LRRC37A2: variants seen among roughly 807,000 people sequenced by gnomAD.
LRRC37A2 encodes leucine rich repeat containing 37 member A2.
A neutral mutation model predicts 68.8 loss-of-function variants in LRRC37A2; 9 were observed. The observed-to-expected ratio is 0.13, with a 90% CI of 0.08 to 0.23. The LOEUF is 0.23. LRRC37A2 is among the 10% of genes least tolerant of loss of function. LRRC37A2 has a pLI of 1.00. For missense variants in LRRC37A2, 168 were observed against 950.4 expected (o/e 0.18, Z 10.82); for synonymous variants, 63 against 367.6 (o/e 0.17, Z 9.48).
chr17:46,941,928 C>T, the LRRC37A2 span: 11 of 985,176 alleles, frequency 1.1e-5, no homozygotes, highest in Admixed American at 6.1e-4. Flanking sequence ...CCACTGTCTC[C>T]TAGACAGAAA....
At chr17:46,850,960 T>A in the LRRC37A2 span, among the ~76,000 whole-genome samples, 5 of 152,248 alleles carry the variant, frequency 3.3e-5, no homozygotes, top group African/African-American at 1.2e-4. Flanking sequence ...TAACAGTCAC[T>A]CTCCCGTTTA....
the LRRC37A2 span, chr17:46,973,082 A>G: frequency 6.6e-6 from 1 of 150,828 alleles, no homozygotes; most frequent in Non-Finnish European, 1.5e-5. Flanking sequence ...CTACTCGGAA[A>G]TCCCACTGAA....
the LRRC37A2 span, among the ~76,000 whole-genome samples, chr17:46,950,425 G>A: frequency 6.4e-4 from 97 of 152,340 alleles, no homozygotes; most frequent in East Asian, 0.011. Context: ...AAGTTGCTAA[G>A]TGTATGATCA....
chr17:46,999,017 G>A, the LRRC37A2 span, among the ~76,000 whole-genome samples: 1 of 152,194 alleles, frequency 6.6e-6, no homozygotes, highest in Non-Finnish European at 1.5e-5. Context: ...GACCATCATG[G>A]ATGCTTAACA....
the LRRC37A2 span, chr17:46,770,181 G>C: frequency 8.0e-7 from 1 of 1,247,120 alleles, no homozygotes; most frequent in Non-Finnish European, 1.1e-6. Context: ...CCTGAGGCAA[G>C]AGGGAGGCAG....
At chr17:46,749,880 A>G in the LRRC37A2 span, 2 of 1,614,000 alleles carry the variant, frequency 1.2e-6, no homozygotes, top group Non-Finnish European at 1.7e-6. Context: ...ACATTGCCAC[A>G]GGAGAGCAGC....
At chr17:46,795,248 C>T in the LRRC37A2 span, among the ~76,000 whole-genome samples, 2 of 152,318 alleles carry the variant, frequency 1.3e-5, no homozygotes, top group South Asian at 4.1e-4. Context: ...CCTCCTACCC[C>T]ACACCAGCGC....
At chr17:46,861,343 T>A in the LRRC37A2 span, among the ~76,000 whole-genome samples, 3,719 of 152,292 alleles carry the variant, frequency 0.024, 155 homozygotes, top group African/African-American at 0.085. Flanking sequence ...TCTCTAGCAG[T>A]GCTCCCTGGT....
At chr17:46,779,103 A>ACACACACACACACACACACACCCCCC in the LRRC37A2 span, among the ~76,000 whole-genome samples, 2 of 133,590 alleles carry the variant, frequency 1.5e-5, no homozygotes, top group East Asian at 2.5e-4. Context: ...ACACACACAC[A>ACACACACACACACACACACACCCCCC]CCCCAGCCCA....
the LRRC37A2 span, among the ~76,000 whole-genome samples, chr17:46,804,473 A>G: frequency 6.6e-6 from 1 of 152,018 alleles, no homozygotes; most frequent in Admixed American, 6.5e-5. Context: ...TCCCTGCCCT[A>G]TGGGGAAGGG....
chr17:46,989,594 A>G, the LRRC37A2 span, among the ~76,000 whole-genome samples: 1 of 152,234 alleles, frequency 6.6e-6, no homozygotes, highest in Non-Finnish European at 1.5e-5. Context: ...GGTGGCCACC[A>G]GGGTCCCTGA....
the LRRC37A2 span, among the ~76,000 whole-genome samples, chr17:46,585,358 C>T: frequency 3.6e-5 from 3 of 83,532 alleles, 1 homozygote; most frequent in Non-Finnish European, 9.2e-5. Flanking sequence ...ATCCTTAAGA[C>T]ATGCCTTCTT....
chr17:46,931,873 T>C, the LRRC37A2 span: 1 of 624,576 alleles, frequency 1.6e-6, no homozygotes, highest in Non-Finnish European at 2.9e-6. Flanking sequence ...TGCTACCATC[T>C]CACTTTAACC....
chr17:46,478,673 G>A, the LRRC37A2 span, among the ~76,000 whole-genome samples: 2 of 112,166 alleles, frequency 1.8e-5, no homozygotes, highest in African/African-American at 3.0e-5. Flanking sequence ...AACCCTCCAC[G>A]TGCAGTAACA....
the LRRC37A2 span, among the ~76,000 whole-genome samples, chr17:46,949,623 C>G: frequency 6.6e-6 from 1 of 152,212 alleles, no homozygotes; most frequent in Non-Finnish European, 1.5e-5. Flanking sequence ...GGAAGACATA[C>G]ATGAGCATGC....
the LRRC37A2 span, among the ~76,000 whole-genome samples, chr17:46,490,956 G>A: frequency 1.2e-3 from 176 of 149,638 alleles, 4 homozygotes; most frequent in Middle Eastern, 0.014. Context: ...GTGCAGTGGC[G>A]CGATCTCGGC....
the LRRC37A2 span, among the ~76,000 whole-genome samples, chr17:46,959,634 C>G: frequency 6.6e-6 from 1 of 152,194 alleles, no homozygotes. Flanking sequence ...ACTTTTCATA[C>G]CAACTCCCAT....
At chr17:46,736,366 A>T in the LRRC37A2 span, among the ~76,000 whole-genome samples, 1 of 152,110 alleles carries the variant, frequency 6.6e-6, no homozygotes, top group African/African-American at 2.4e-5. Context: ...CTCCTAACTC[A>T]TGGTGCAACA....
chr17:46,785,440 C>T, the LRRC37A2 span, among the ~76,000 whole-genome samples: 558 of 152,316 alleles, frequency 3.7e-3, 5 homozygotes, highest in Admixed American at 0.015. Flanking sequence ...CCCATGCACA[C>T]GGAGAAAAGA....
Sources: allele counts gnomAD v4.1 joint callset (sites outside exome capture counted in the v4.1 genomes callset), GRCh38; gene constraint gnomAD v4.1.1; transcripts MANE v1.5; gene names NCBI Gene and HGNC (gene_info 2026-07-23, HGNC 2026-07-21).